The following PDK1 variants were observed in gnomAD, a reference collection of about 807,000 sequenced individuals.
The protein encoded by PDK1 is [Pyruvate dehydrogenase (acetyl-transferring)] kinase isozyme 1, mitochondrial.
In PDK1, 39 loss-of-function variants were observed where a neutral mutation model predicts 54.2. The observed-to-expected ratio is 0.72, with a 90% CI of 0.56 to 0.94. The LOEUF is 0.94. Among genes scored for constraint, PDK1 ranks in the 40% least tolerant of loss-of-function variants. The pLI, the probability that PDK1 is intolerant of heterozygous loss-of-function variation, is 0.00. For missense variants in PDK1, 552 were observed against 566.0 expected (o/e 0.98, Z 0.25); for synonymous variants, 221 against 207.1 (o/e 1.07, Z -0.58).
At chr2:172,705,791 A>C in the PDK1 span, among the ~76,000 whole-genome samples, 11 of 152,230 alleles carry the variant, frequency 7.2e-5, no homozygotes, top group African/African-American at 1.9e-4. Flanking sequence ...TTTACAAAAC[A>C]GTTGCTCTAT....
chr2:172,647,954 A>C, the PDK1 span, among the ~76,000 whole-genome samples: 1 of 152,254 alleles, frequency 6.6e-6, no homozygotes, highest in Non-Finnish European at 1.5e-5. Flanking sequence ...TTCGTGCCAG[A>C]AATGTTTTAT....
At chr2:172,564,068 A>G (rs1462424484) in intron 3 of PDK1, 1 of 472,136 alleles carries the variant, frequency 2.1e-6, no homozygotes, top group Admixed American at 2.3e-5. Flanking sequence ...GGTCCAAAAC[A>G]GGCAGGCTTT....
chr2:172,627,142 C>T, the PDK1 span, among the ~76,000 whole-genome samples: 7 of 152,300 alleles, frequency 4.6e-5, no homozygotes, highest in Admixed American at 2.0e-4. Context: ...ATGATGCACA[C>T]GGCTGAGAAC....
At chr2:172,690,758 A>T in the PDK1 span, among the ~76,000 whole-genome samples, 1 of 147,972 alleles carries the variant, frequency 6.8e-6, no homozygotes, top group South Asian at 2.2e-4. Context: ...AGGACAAAAA[A>T]CCAAACAGTG....
Position 172,597,502 on chromosome 2 carries a change from G to T in PDK1, c.*1533G>T, listed in dbSNP as rs11904366. ...GCTTAGGTTTATTACAGCAGTCCTTGGCATTTGTATGGTAATTTGTACTTT... is the reference window on the plus strand; with the variant it reads ...GCTTAGGTTTATTACAGCAGTCCTTTGCATTTGTATGGTAATTTGTACTTT... On this transcript the variant is annotated 3_prime_UTR_variant, in exon 11 of 11. Transcript: ENST00000282077. 0.2 allele frequency: 29,690 copies of T among 152,156 alleles called. 3,710 individuals carry two copies. Among genetic ancestry groups the T allele is most frequent in the African/African-American group, 0.35 (14,400 of 41,478 alleles). 9.4% of individuals were successfully genotyped at this position (152,156 alleles called of 1,614,324 possible).
In PDK1 at chr2:172,608,439, C is replaced by T. The variant is rs990448311; in HGVS notation, c.*12470C>T. ...TAAACTCAGAAGAAGTTAGTATTAACGGGGATATGAAAGAACCTCCAGTTA... is the reference window on the plus strand; with the variant it reads ...TAAACTCAGAAGAAGTTAGTATTAATGGGGATATGAAAGAACCTCCAGTTA... On this transcript the variant is annotated 3_prime_UTR_variant, in exon 11 of 11. Coordinates refer to ENST00000282077, the MANE Select transcript of PDK1 (RefSeq NM_002610.5). 4 of 145,504 alleles carry T rather than the reference C, an allele frequency of 2.7e-5. No homozygotes were observed. Among genetic ancestry groups the T allele is most frequent in the African/African-American group, 8.0e-5 (3 of 37,592 alleles). The allele number at this position is 145,504 out of a possible 1,614,324, so 9.0% of individuals were successfully genotyped here.
intron 8 of PDK1, among the ~76,000 whole-genome samples, chr2:172,579,837 G>A (rs1418457209): frequency 6.6e-6 from 1 of 151,250 alleles, no homozygotes; most frequent in Non-Finnish European, 1.5e-5. Flanking sequence ...TTTTCACTGT[G>A]TGTTTAGTCT....
At chr2:172,659,803 C>G in the PDK1 span, among the ~76,000 whole-genome samples, 6 of 152,212 alleles carry the variant, frequency 3.9e-5, no homozygotes, top group Non-Finnish European at 5.9e-5. Context: ...CCCTGCATGA[C>G]TGTCTAAAAT....
In PDK1 at chr2:172,600,240, A is replaced by C. The variant is rs945235993; in HGVS notation, c.*4271A>C. 1 of 152,214 alleles carries C rather than the reference A, an allele frequency of 6.6e-6. No individual in the cohort carries two copies. Among genetic ancestry groups the C allele is most frequent in the South Asian group, 2.1e-4 (1 of 4,834 alleles). The allele number at this position is 152,214 out of a possible 1,614,324, so 9.4% of individuals were successfully genotyped here. ...TTCAGAATGTGACAGTTATAGTACTACATGAAAATACTTAATATAGAGTTC... is the reference window on the plus strand; with the variant it reads ...TTCAGAATGTGACAGTTATAGTACTCCATGAAAATACTTAATATAGAGTTC... On this transcript the variant is annotated 3_prime_UTR_variant, in exon 11 of 11. Coordinates refer to ENST00000282077, the MANE Select transcript of PDK1 (RefSeq NM_002610.5).
chr2:172,604,490 A>G lies in PDK1; in HGVS notation c.*8521A>G, dbSNP rs1558966044. The G allele has an allele frequency of 6.6e-6, 1 of 152,108 alleles. No individual in the cohort carries two copies. The highest frequency in any genetic ancestry group is 1.9e-4 in the East Asian group (1 of 5,198). 9.4% of individuals were successfully genotyped at this position (152,108 alleles called of 1,614,324 possible). On this transcript the variant is annotated 3_prime_UTR_variant, in exon 11 of 11. Transcript: ENST00000282077. ...TATTTGCTTTTTTTTTAACTTACAA[A>G]TTTTTTTAAAAAAACGTTTTTCCTC...
chr2:172,587,897 C>T (rs370150366), intron 9 of PDK1, among the ~76,000 whole-genome samples: 30 of 152,148 alleles, frequency 2.0e-4, no homozygotes, highest in African/African-American at 5.3e-4. Flanking sequence ...ATTAGCTAGA[C>T]GAAGAGCGCC....
At chr2:172,683,333 C>G in the PDK1 span, among the ~76,000 whole-genome samples, 3 of 120,624 alleles carry the variant, frequency 2.5e-5, no homozygotes, top group Admixed American at 2.9e-4. Flanking sequence ...GGCGACAGAG[C>G]GAAACTCCGT....
Position 172,570,784 on chromosome 2 carries a change from A to C in PDK1, c.905A>C (p.Gln302Pro). The C allele has an allele frequency of 6.2e-7, 1 of 1,612,128 alleles. No homozygotes were observed. The highest frequency in any genetic ancestry group is 1.3e-5 in the African/African-American group (1 of 74,986). Residue 302 changes from glutamine (Q) to proline (P), a missense_variant, in exon 8 of 11, where the codon CAA becomes CCA. Transcript: ENST00000282077. The part of the protein sequence containing the change: ...HANRGVYPPI[Q>P]VHVTLGNEDL... ...AACAGAGGTGTTTACCCCCCTATTC[A>C]AGTTCATGTCACGCTGGGTAATGAG...
At position 172,603,550 on chromosome 2, in the gene PDK1, T is replaced by C. The variant is rs1691184158; in HGVS notation, c.*7581T>C. ...GTTAATGAGAGCTTCACTAATGTTG[T>C]CTGCTGCAGGCAATAAGTGAAGTCT... On this transcript the variant is annotated 3_prime_UTR_variant, in exon 11 of 11. Coordinates refer to ENST00000282077, the MANE Select transcript of PDK1 (RefSeq NM_002610.5). 6.6e-6 allele frequency: 1 copy of C among 152,220 alleles called. No homozygotes were observed. The highest frequency in any genetic ancestry group is 2.4e-5 in the African/African-American group (1 of 41,450). 9.4% of individuals were successfully genotyped at this position (152,220 alleles called of 1,614,324 possible). A position where few individuals can be genotyped will look rare whatever the true frequency, so the allele number is the denominator to read the frequency against.
At chr2:172,576,365 T>G (rs1158946991) in intron 8 of PDK1, among the ~76,000 whole-genome samples, 9 of 135,332 alleles carry the variant, frequency 6.7e-5, no homozygotes, top group Non-Finnish European at 1.2e-4. Flanking sequence ...ATTCCTGGTT[T>G]TATAAATTTG....
At chr2:172,595,407 A>G (rs1394700063) in intron 10 of PDK1, among the ~76,000 whole-genome samples, 1 of 152,156 alleles carries the variant, frequency 6.6e-6, no homozygotes, top group East Asian at 1.9e-4. Flanking sequence ...GACTATGCTG[A>G]AAAAAACACT....
chr2:172,673,935 AG>A, the PDK1 span, among the ~76,000 whole-genome samples: 3 of 152,244 alleles, frequency 2.0e-5, no homozygotes, highest in Non-Finnish European at 4.4e-5. Flanking sequence ...GGAGCATGGT[AG>A]GGGATTAAAG....
the PDK1 span, among the ~76,000 whole-genome samples, chr2:172,701,443 GAGTT>G: frequency 6.6e-6 from 1 of 152,178 alleles, no homozygotes; most frequent in Admixed American, 6.5e-5. Flanking sequence ...TGTTGGAGTG[GAGTT>G]AGTCATGGGA....
the PDK1 span, among the ~76,000 whole-genome samples, chr2:172,709,985 T>A: frequency 6.6e-6 from 1 of 152,038 alleles, no homozygotes; most frequent in East Asian, 1.9e-4. Context: ...ATACTGCAAA[T>A]GAAATTTGAA....
Sources: allele counts gnomAD v4.1 joint callset (sites outside exome capture counted in the v4.1 genomes callset), GRCh38; gene constraint gnomAD v4.1.1; transcripts MANE v1.5; gene names NCBI Gene and HGNC (gene_info 2026-07-23, HGNC 2026-07-21).